SLC28A3: variants seen among roughly 807,000 people sequenced by gnomAD.
The protein encoded by SLC28A3 is solute carrier family 28 member 3.
A neutral mutation model predicts 84.2 loss-of-function variants in SLC28A3; 68 were observed. The observed-to-expected ratio is 0.81, with a 90% CI of 0.66 to 0.99. The LOEUF is 0.99. SLC28A3 is among the 50% of genes least tolerant of loss of function. The probability of loss-of-function intolerance (pLI) is 0.00; values close to 1 mark genes in which losing one functional copy is unlikely to be tolerated. For synonymous variants in SLC28A3, 267 were observed against 303.6 expected (o/e 0.88, Z 1.25); for missense variants, 712 against 841.5 (o/e 0.85, Z 1.90).
intron 8 of SLC28A3, 92 bp from the exon 9 acceptor site, chr9:84,294,367 T>C: frequency 8.6e-7 from 1 of 1,165,732 alleles, no homozygotes; most frequent in Non-Finnish European, 1.3e-6. Flanking sequence ...CTTTTCTCCC[T>C]CTGAAACATC....
At chr9:84,302,500 C>T (rs1564158599) in intron 4 of SLC28A3, 111 bp from the exon 5 acceptor site, 3 of 1,005,870 alleles carry the variant, frequency 3.0e-6, no homozygotes, top group Non-Finnish European at 4.3e-6. Context: ...CATTAAATAT[C>T]ACTGAATGCA....
upstream of SLC28A3, chr9:84,340,796 G>A: frequency 4.8e-6 from 3 of 629,936 alleles, no homozygotes; most frequent in Non-Finnish European, 5.4e-6. Flanking sequence ...GACTAGGGCT[G>A]ACACCTGGTT....
chr9:84,367,780 T>C, the SLC28A3 span, among the ~76,000 whole-genome samples: 3 of 152,170 alleles, frequency 2.0e-5, no homozygotes, highest in Non-Finnish European at 4.4e-5. Flanking sequence ...GTAGGCTAGA[T>C]TTATGTTTCT....
Position 84,278,232 on chromosome 9 carries a change from A to G in SLC28A3, c.2062T>C (p.Ser688Pro), listed in dbSNP as rs760701074. 1.2e-6 allele frequency: 2 copies of G among 1,614,042 alleles called. No individual in the cohort carries two copies. The highest frequency in any genetic ancestry group is 2.2e-5 in the South Asian group (2 of 91,046). Residue 688 changes from serine to proline, a missense_variant, in exon 18 of 18, where the codon TCT becomes CCT. Coordinates refer to ENST00000376238, the MANE Select transcript of SLC28A3 (RefSeq NM_001199633.2). ...NPSTFNCNGI[S>P]NTF Reference sequence around the variant, plus strand: ...AGTGGCTGACCTCAAAATGTATTAGAGATCCCATTGCAGTTAAAGGTCGAT... The same window carrying G: ...AGTGGCTGACCTCAAAATGTATTAGGGATCCCATTGCAGTTAAAGGTCGAT...
chr9:84,348,571 G>T, the SLC28A3 span, among the ~76,000 whole-genome samples: 1 of 152,194 alleles, frequency 6.6e-6, no homozygotes. Flanking sequence ...GCATCATGTA[G>T]TAAGCATCTG....
intron 13 of SLC28A3, 149 bp downstream of exon 13, chr9:84,285,794 G>C (rs1439563178): frequency 6.2e-6 from 6 of 971,504 alleles, no homozygotes; most frequent in East Asian, 5.3e-5. Flanking sequence ...ACAGAGAAAA[G>C]GTGGGTGGGA....
At chr9:84,340,525 G>T (rs759614423) in intron 1 of SLC28A3, 49 bp downstream of exon 1, 2 of 1,594,598 alleles carry the variant, frequency 1.3e-6, no homozygotes, top group South Asian at 1.1e-5. Context: ...TAAGGAAAGG[G>T]CAGCTTTTCC....
chr9:84,281,927 A>C (rs1051738701), intron 14 of SLC28A3, among the ~76,000 whole-genome samples: 16 of 152,154 alleles, frequency 1.1e-4, no homozygotes, highest in Non-Finnish European at 1.8e-4. Context: ...GGAGTTCAAG[A>C]CCATCCTGGC....
the SLC28A3 span, among the ~76,000 whole-genome samples, chr9:84,358,542 C>T: frequency 8.5e-5 from 13 of 152,138 alleles, no homozygotes; most frequent in African/African-American, 3.1e-4. Flanking sequence ...GTGCATCTGC[C>T]ATACAGGGTC....
At chr9:84,286,502 G>GTCTT (rs1488261234) in intron 12 of SLC28A3, among the ~76,000 whole-genome samples, 2 of 147,392 alleles carry the variant, frequency 1.4e-5, no homozygotes, top group Non-Finnish European at 3.0e-5. Flanking sequence ...GCACAGGCTG[G>GTCTT]TCTTGAACTT....
At chr9:84,359,024 G>A in the SLC28A3 span, among the ~76,000 whole-genome samples, 46,271 of 151,906 alleles carry the variant, frequency 0.3, 7,907 homozygotes, top group African/African-American at 0.46. Flanking sequence ...GGCTGGTCTC[G>A]AACTCCTGAC....
chr9:84,341,957 C>T (rs7867366), upstream of SLC28A3, among the ~76,000 whole-genome samples: 8,025 of 151,776 alleles, frequency 0.053, 416 homozygotes, highest in East Asian at 0.15. Context: ...GGCGAAACTC[C>T]ATCTCTACTA....
the SLC28A3 span, among the ~76,000 whole-genome samples, chr9:84,360,584 A>G: frequency 0.02 from 3,074 of 152,310 alleles, 73 homozygotes; most frequent in African/African-American, 0.055. Context: ...TAAGAGCTCC[A>G]ACATTTCATT....
At chr9:84,307,446 C>CAAA (rs1340546348) in intron 3 of SLC28A3, among the ~76,000 whole-genome samples, 4 of 82,102 alleles carry the variant, frequency 4.9e-5, no homozygotes, top group South Asian at 4.0e-4. Flanking sequence ...AAAAAAAAAA[C>CAAA]AAAAACAAAA....
chr9:84,298,489 G>GA (rs780850277), intron 6 of SLC28A3, among the ~76,000 whole-genome samples: 3 of 151,660 alleles, frequency 2.0e-5, no homozygotes, highest in East Asian at 3.9e-4. Flanking sequence ...TCCATCTCAA[G>GA]AAAAAAACAA....
rs767093628 is a variant in SLC28A3 at position 84,309,613 on chromosome 9, G to T, written c.242+16C>A. 6.3e-7 allele frequency: 1 copy of T among 1,591,488 alleles called. No individual in the cohort carries two copies. Among genetic ancestry groups the T allele is most frequent in the Non-Finnish European group, 8.6e-7 (1 of 1,166,056 alleles). ...GGGAGGTAGGCTTGGTTATTTCCCT[G>T]TTTTAAAGACTGTACCCTTTTTGTT... On this transcript the variant is annotated intron_variant, in intron 3 of 17. Transcript: ENST00000376238.
chr9:84,332,055 T>C (rs527310000), intron 1 of SLC28A3, among the ~76,000 whole-genome samples: 31 of 152,334 alleles, frequency 2.0e-4, no homozygotes, highest in Non-Finnish European at 4.0e-4. Flanking sequence ...GAAAGCAAAC[T>C]TGACTCCTAC....
intron 1 of SLC28A3, among the ~76,000 whole-genome samples, chr9:84,318,506 A>C (rs1017729413): frequency 6.6e-6 from 1 of 152,204 alleles, no homozygotes; most frequent in Admixed American, 6.5e-5. Flanking sequence ...CTGTACCCGA[A>C]GGAGAAAACT....
chr9:84,308,498 AT>A (rs1825877334), intron 3 of SLC28A3, among the ~76,000 whole-genome samples: 1 of 148,274 alleles, frequency 6.7e-6, no homozygotes. Flanking sequence ...GTGAGCTGAG[AT>A]TGTGCCACTG....
Sources: gnomAD v4.1 joint callset for allele counts (sites outside exome capture counted in the v4.1 genomes callset) on GRCh38, gnomAD v4.1.1 for gene constraint, MANE v1.5 for transcripts, NCBI Gene and HGNC (gene_info 2026-07-23, HGNC 2026-07-21) for gene names.